The following STX7 variants were observed in gnomAD, a reference collection of about 807,000 sequenced individuals.
STX7 encodes syntaxin 7, also known as syntaxin-7.
STX7 carries 34 observed loss-of-function variants against 39.6 expected under a neutral mutation model. The ratio of observed to expected loss-of-function variants is 0.86; its 90% confidence interval spans 0.65 to 1.14. STX7 has a LOEUF of 1.14. Among genes scored for constraint, STX7 ranks in the 50% most tolerant of loss-of-function variants. The pLI is 0.00. For missense variants in STX7, 284 were observed against 310.4 expected (o/e 0.92, Z 0.64); for synonymous variants, 119 against 99.1 (o/e 1.20, Z -1.19).
chr6:132,468,445 T>G lies in STX7; in HGVS notation c.568A>C (p.Lys190Gln). The G allele has an allele frequency of 6.2e-7, 1 of 1,606,146 alleles. No individual in the cohort carries two copies. Among genetic ancestry groups the G allele is most frequent in the Non-Finnish European group, 8.5e-7 (1 of 1,175,260 alleles). Residue 190 changes from lysine to glutamine, a missense_variant, in exon 8 of 10, where the codon AAA (lysine) becomes CAA (glutamine). Lys to Gln is a moderately conservative substitution (Grantham distance 53). Coordinates refer to ENST00000367941, the MANE Select transcript of STX7 (RefSeq NM_003569.3). ...TCATGAATCATCATTCCCAAATCTT[T>G]AAATATTTCATTAATATCCATAATA... ...ADIMDINEIF[K>Q]DLGMMIHEQG...
At position 132,452,895 on chromosome 6, in the gene STX7, G is replaced by A. The variant is rs1024209210; in HGVS notation, c.*7863C>T. The A allele has an allele frequency of 3.3e-5, 5 of 152,022 alleles. No individual in the cohort carries two copies. Among genetic ancestry groups the A allele is most frequent in the African/African-American group, 9.7e-5 (4 of 41,402 alleles). 9.4% of individuals were successfully genotyped at this position (152,022 alleles called of 1,614,324 possible). On this transcript the variant is annotated 3_prime_UTR_variant, in exon 10 of 10. Coordinates refer to ENST00000367941, the MANE Select transcript of STX7 (RefSeq NM_003569.3). ...GACAAGATTATTCCAAAGTTTATAC[G>A]GGAAGACAAAGGAACTAAGTGGCTA...
intron 2 of STX7, among the ~76,000 whole-genome samples, chr6:132,496,392 C>T (rs1308205825): frequency 6.6e-6 from 1 of 152,050 alleles, no homozygotes; most frequent in Non-Finnish European, 1.5e-5. Context: ...TTCTATTCAC[C>T]AATTTCCTTC....
At chr6:132,468,979 A>G (rs1331049026) in intron 7 of STX7, among the ~76,000 whole-genome samples, 1 of 152,248 alleles carries the variant, frequency 6.6e-6, no homozygotes, top group Non-Finnish European at 1.5e-5. Context: ...ACTACTGAAT[A>G]AAGAAGTTAT....
intron 4 of STX7, 35 bp downstream of exon 4, chr6:132,472,247 T>C (rs1366306236): frequency 6.5e-6 from 10 of 1,548,186 alleles, no homozygotes; most frequent in Non-Finnish European, 8.8e-6. Flanking sequence ...TTTTTCACAT[T>C]CAATACATCA....
Position 132,458,799 on chromosome 6 carries a change from A to G in STX7, c.*1959T>C, listed in dbSNP as rs758319226. 6 of 152,338 alleles carry G rather than the reference A, an allele frequency of 3.9e-5. No homozygotes were observed. The highest frequency in any genetic ancestry group is 2.1e-4 in the South Asian group (1 of 4,832). The allele number at this position is 152,338 out of a possible 1,614,324, so 9.4% of individuals were successfully genotyped here. ...GTTTCTTAAACAAATTGAAGCCACT[A>G]AAGTTCCTGTTTAAACCACTGATAA... On this transcript the variant is annotated 3_prime_UTR_variant, in exon 10 of 10. Coordinates refer to ENST00000367941, the MANE Select transcript of STX7 (RefSeq NM_003569.3).
intron 2 of STX7, among the ~76,000 whole-genome samples, chr6:132,494,558 AGATCTGGGAAGATGTC>A (rs1204169425): frequency 6.6e-6 from 1 of 152,168 alleles, no homozygotes; most frequent in Non-Finnish European, 1.5e-5. Flanking sequence ...AGTTACATGT[AGATCTGGGAAGATGTC>A]TGAAGCAGAA....
chr6:132,479,660 T>C (rs1325205582), intron 2 of STX7, among the ~76,000 whole-genome samples: 1 of 152,192 alleles, frequency 6.6e-6, no homozygotes, highest in Non-Finnish European at 1.5e-5. Context: ...AAGCCACATA[T>C]AGACTCAACA....
At chr6:132,489,956 T>A (rs1430580112) in intron 2 of STX7, among the ~76,000 whole-genome samples, 2 of 152,250 alleles carry the variant, frequency 1.3e-5, no homozygotes, top group African/African-American at 2.4e-5. Flanking sequence ...TCATCTAAAA[T>A]TGTATGTAAA....
At position 132,502,016 on chromosome 6, in the gene STX7, C is replaced by A. The variant is rs572117648; in HGVS notation, c.85+1430G>T. The stretch of plus-strand genomic sequence containing the variant: ...TCTCAATGTACCATTCCTACAGTCC[C>A]TGCTGTGGACAACGTGGTGCCTGGC... On this transcript the variant is annotated intron_variant, in intron 2 of 9. Transcript: ENST00000367941. 9.8e-4 allele frequency among the ~76,000 whole-genome samples: 150 copies of A among 152,316 alleles called. 1 individual carries two copies. Among genetic ancestry groups the A allele is most frequent in the African/African-American group, 3.4e-3 (143 of 41,572 alleles).
intron 2 of STX7, among the ~76,000 whole-genome samples, chr6:132,502,537 G>A (rs987314713): frequency 6.6e-6 from 1 of 152,024 alleles, no homozygotes; most frequent in Non-Finnish European, 1.5e-5. Context: ...ATATCCTGAC[G>A]ATGAATACTT....
Position 132,509,684 on chromosome 6 carries a change from A to G in STX7, c.-59+3323T>C, listed in dbSNP as rs1360654520. 3.3e-5 allele frequency among the ~76,000 whole-genome samples: 5 copies of G among 152,318 alleles called. No homozygotes were observed. The East Asian group carries it at 7.7e-4, about 23-fold the overall frequency. ...ACTCCTTTTCTCTATTATTCTGCTAATAAGTGGTATCTAAAAGGCAACAAC... is the reference window on the plus strand; with the variant it reads ...ACTCCTTTTCTCTATTATTCTGCTAGTAAGTGGTATCTAAAAGGCAACAAC... On this transcript the variant is annotated intron_variant, in intron 1 of 9. Coordinates refer to ENST00000367941, the MANE Select transcript of STX7 (RefSeq NM_003569.3).
rs987195049 is a variant in STX7, at chr6:132,456,420, G to A, written c.*4338C>T. The A allele has an allele frequency of 3.9e-5, 6 of 152,082 alleles. No individual in the cohort carries two copies. The highest frequency in any genetic ancestry group is 1.4e-4 in the African/African-American group (6 of 41,386). The allele number at this position is 152,082 out of a possible 1,614,324, so 9.4% of individuals were successfully genotyped here. On this transcript the variant is annotated 3_prime_UTR_variant, in exon 10 of 10. Coordinates refer to ENST00000367941, the MANE Select transcript of STX7 (RefSeq NM_003569.3). Reference sequence around the variant, plus strand: ...ATAACAAAACATAAACTCCCTGAGGGCAGGAAGCTTATTCTTTTGGTTCAC... The same window carrying A: ...ATAACAAAACATAAACTCCCTGAGGACAGGAAGCTTATTCTTTTGGTTCAC...
At chr6:132,474,857 CT>C (rs946103232) in intron 3 of STX7, among the ~76,000 whole-genome samples, 1 of 152,042 alleles carries the variant, frequency 6.6e-6, no homozygotes, top group African/African-American at 2.4e-5. Context: ...TTCATTATAA[CT>C]TTTTTTTAAA....
intron 8 of STX7, among the ~76,000 whole-genome samples, chr6:132,467,024 G>A (rs58671577): frequency 6.6e-6 from 1 of 152,126 alleles, no homozygotes; most frequent in Non-Finnish European, 1.5e-5. Context: ...ACAAGATTGA[G>A]CATCTGGATG....
In STX7 at chr6:132,470,571, T is replaced by G. The variant is rs1362489529; in HGVS notation, c.440+3A>C. On this transcript the variant is annotated splice_donor_region_variant and intron_variant, in intron 6 of 9. Coordinates refer to ENST00000367941, the MANE Select transcript of STX7 (RefSeq NM_003569.3). The stretch of plus-strand genomic sequence containing the variant: ...GATCTGTAAAATGTTTTGTATTTCT[T>G]ACCTTTCCCAGGATACAAGATTCCT... The G allele has an allele frequency of 3.5e-5, 56 of 1,602,456 alleles. No homozygotes were observed. The highest frequency in any genetic ancestry group is 4.7e-5 in the Non-Finnish European group (55 of 1,172,426).
intron 3 of STX7, among the ~76,000 whole-genome samples, chr6:132,474,880 G>T (rs1225353999): frequency 6.6e-6 from 1 of 152,086 alleles, no homozygotes; most frequent in Non-Finnish European, 1.5e-5. Flanking sequence ...GGAAGCTAAT[G>T]CTCTCTGAAA....
intron 2 of STX7, among the ~76,000 whole-genome samples, chr6:132,486,758 C>T (rs1345424652): frequency 6.7e-6 from 1 of 149,742 alleles, no homozygotes; most frequent in Admixed American, 6.7e-5. Context: ...CCTCCTGCTG[C>T]CAGTTCAAGC....
At chr6:132,465,458 T>G (rs1774542455) in intron 8 of STX7, among the ~76,000 whole-genome samples, 1 of 152,200 alleles carries the variant, frequency 6.6e-6, no homozygotes, top group Non-Finnish European at 1.5e-5. Flanking sequence ...ACTCTCATCC[T>G]TAGCCCCCTT....
chr6:132,503,964 T>C (rs1427113088), intron 1 of STX7, among the ~76,000 whole-genome samples: 1 of 152,222 alleles, frequency 6.6e-6, no homozygotes, highest in Non-Finnish European at 1.5e-5. Context: ...CTTATTTATC[T>C]TTCTCCAATA....
Sources: allele counts gnomAD v4.1 joint callset (sites outside exome capture counted in the v4.1 genomes callset), GRCh38; gene constraint gnomAD v4.1.1; transcripts MANE v1.5; gene names NCBI Gene and HGNC (gene_info 2026-07-23, HGNC 2026-07-21).